The following ITGB3 variants were observed in gnomAD, a reference collection of about 807,000 sequenced individuals.
The protein encoded by ITGB3 is integrin subunit beta 3, also known as integrin beta-3.
ITGB3 carries 48 observed loss-of-function variants against 85.8 expected under a neutral mutation model. The observed-to-expected ratio is 0.56, with a 90% CI of 0.44 to 0.71. The LOEUF is 0.71. ITGB3 is among the 30% of genes least tolerant of loss of function. The pLI, the probability that ITGB3 is intolerant of heterozygous loss-of-function variation, is 0.00. For synonymous variants in ITGB3, 363 were observed against 395.6 expected (o/e 0.92, Z 0.98); for missense variants, 861 against 1,019.1 (o/e 0.84, Z 2.11).
At chr17:47,284,230 A>C (rs1341243194) in intron 3 of ITGB3, among the ~76,000 whole-genome samples, 2 of 152,150 alleles carry the variant, frequency 1.3e-5, no homozygotes, top group Non-Finnish European at 2.9e-5. Flanking sequence ...GGATTTAGAG[A>C]AAGTGGAAAA....
At position 47,300,338 on chromosome 17, in the gene ITGB3, C is replaced by CGT. The variant is rs79567369; in HGVS notation, c.1914-139_1914-138insTG. On this transcript the variant is annotated intron_variant, in intron 11 of 14. Transcript: ENST00000559488. Reference sequence around the variant, plus strand: ...GGTCCCCAGGATTGTCTTACAGGCGCGCGCGCGCGTGTGTGTGTGTGTGTG... The same window carrying CGT: ...GGTCCCCAGGATTGTCTTACAGGCGCGTGCGCGCGCGTGTGTGTGTGTGTGTG... The CGT allele has an allele frequency of 0.53, 354,582 of 664,154 alleles. 92,188 individuals are homozygous for CGT. The highest frequency in any genetic ancestry group is 0.56 in the Non-Finnish European group (203,895 of 366,896). 41.1% of individuals were successfully genotyped at this position (664,154 alleles called of 1,614,324 possible). A position where few individuals can be genotyped will look rare whatever the true frequency, so the allele number is the denominator to read the frequency against.
chr17:47,262,604 T>C (rs1288216385), intron 1 of ITGB3, among the ~76,000 whole-genome samples: 1 of 152,118 alleles, frequency 6.6e-6, no homozygotes, highest in Non-Finnish European at 1.5e-5. Context: ...CTGTTTGTTT[T>C]ACAAAAAAGC....
Position 47,310,179 on chromosome 17 carries a change from C to T in ITGB3, c.2342C>T (p.Thr781Ile), listed in dbSNP as rs748530525. The T allele has an allele frequency of 6.2e-7, 1 of 1,614,076 alleles. No individual in the cohort carries two copies. The change falls in exon 15 of 15, where the codon ACC (threonine) becomes ATC (isoleucine). Residue 781 changes from threonine to isoleucine, a missense_variant. Transcript: ENST00000559488. Reference protein sequence around the residue: ...PLYKEATSTFTNITYRGT With the variant: ...PLYKEATSTFINITYRGT The stretch of plus-strand genomic sequence containing the variant: ...TATAAAGAGGCCACGTCTACCTTCA[C>T]CAATATCACGTACCGGGGCACTTAA...
At chr17:47,309,075 T>C (rs1321952806) in intron 14 of ITGB3, among the ~76,000 whole-genome samples, 1 of 149,800 alleles carries the variant, frequency 6.7e-6, no homozygotes, top group Non-Finnish European at 1.5e-5. Flanking sequence ...TGAGACAGGG[T>C]CTCGCTCTGT....
At chr17:47,264,696 CT>C (rs1243219138) in intron 1 of ITGB3, among the ~76,000 whole-genome samples, 1 of 152,174 alleles carries the variant, frequency 6.6e-6, no homozygotes, top group Non-Finnish European at 1.5e-5. Context: ...CCTGCTATTT[CT>C]TTAACAGGCT....
chr17:47,311,539 T>C lies in ITGB3; in HGVS notation c.*1335T>C, dbSNP rs2065214688. On this transcript the variant is annotated 3_prime_UTR_variant, in exon 15 of 15. Transcript: ENST00000559488. Reference sequence around the variant, plus strand: ...TATGTGATGGCAAAGAAGGAGAGCATAGGAAACCACACAGACTTGGGCAGG... The same window carrying C: ...TATGTGATGGCAAAGAAGGAGAGCACAGGAAACCACACAGACTTGGGCAGG... The C allele has an allele frequency of 6.6e-6, 1 of 152,226 alleles. No homozygotes were observed. The highest frequency in any genetic ancestry group is 1.9e-4 in the East Asian group (1 of 5,204). 9.4% of individuals were successfully genotyped at this position (152,226 alleles called of 1,614,324 possible). A position where few individuals can be genotyped will look rare whatever the true frequency, so the allele number is the denominator to read the frequency against.
At chr17:47,298,492 A>G (rs1301819150) in intron 10 of ITGB3, among the ~76,000 whole-genome samples, 2 of 152,062 alleles carry the variant, frequency 1.3e-5, no homozygotes, top group African/African-American at 2.4e-5. Flanking sequence ...CCATACATTC[A>G]GGGTGCTCTG....
chr17:47,264,269 A>C (rs2065018399), intron 1 of ITGB3, among the ~76,000 whole-genome samples: 1 of 152,146 alleles, frequency 6.6e-6, no homozygotes, highest in Non-Finnish European at 1.5e-5. Context: ...ATTTAGGCCC[A>C]CTTAGCCACT....
chr17:47,306,008 T>A (rs1000386283), intron 13 of ITGB3, among the ~76,000 whole-genome samples: 1 of 152,218 alleles, frequency 6.6e-6, no homozygotes, highest in Non-Finnish European at 1.5e-5. Flanking sequence ...GAAACAGACA[T>A]TCAGAAAGGT....
In ITGB3 at chr17:47,307,624, C is replaced by G; in HGVS notation, c.2288C>G (p.Ala763Gly). The G allele has an allele frequency of 6.2e-7, 1 of 1,614,148 alleles. No individual in the cohort carries two copies. The highest frequency in any genetic ancestry group is 8.5e-7 in the Non-Finnish European group (1 of 1,180,008). The change falls in exon 14 of 15, where the codon GCA becomes GGA. Residue 763 changes from alanine (A) to glycine (G), a missense_variant. Coordinates refer to ENST00000559488, the MANE Select transcript of ITGB3 (RefSeq NM_000212.3). ...FAKFEEERAR[A>G]KWDTANNPLY... ...AAATTTGAGGAAGAACGCGCCAGAG[C>G]AAAATGGGACACAGTAAGAGACGGG... is the stretch of plus-strand genomic sequence containing the variant.
intron 13 of ITGB3, among the ~76,000 whole-genome samples, chr17:47,306,736 A>G (rs2065189501): frequency 2.6e-5 from 4 of 152,098 alleles, no homozygotes; most frequent in Admixed American, 2.6e-4. Context: ...GCTGGAGTGT[A>G]ATGGTGTGAT....
Position 47,299,449 on chromosome 17 carries a change from G to A in ITGB3, c.1832G>A (p.Ser611Asn). The change falls in exon 11 of 15, where the codon AGC becomes AAC. Residue 611 changes from serine (S) to asparagine (N), a missense_variant. Physicochemically the swap from Ser to Asn is conservative, Grantham distance 46 (BLOSUM62 1). Transcript: ENST00000559488. This position sits in a 1 kb window ranked among gnomAD's most constrained non-coding sequence, Gnocchi z 5.1. ...CSGRGKCECGSCVCIQPGSYG... is the reference protein window; with the variant it reads ...CSGRGKCECGNCVCIQPGSYG... ...GGCCGCGGCAAGTGTGAATGTGGCA[G>A]CTGTGTCTGTATCCAGCCGGGCTCC... The A allele has an allele frequency of 6.2e-7, 1 of 1,614,280 alleles. No individual in the cohort carries two copies. The highest frequency in any genetic ancestry group is 8.5e-7 in the Non-Finnish European group (1 of 1,180,058).
chr17:47,295,004 G>A (rs988146626), intron 10 of ITGB3, among the ~76,000 whole-genome samples: 13 of 152,316 alleles, frequency 8.5e-5, no homozygotes, highest in African/African-American at 3.1e-4. Flanking sequence ...ATCAAGAAGT[G>A]CATCATCCTC....
chr17:47,303,567 G>C (rs776030122), intron 13 of ITGB3: 1 of 152,568 alleles, frequency 6.6e-6, no homozygotes, highest in African/African-American at 2.4e-5. Context: ...TCAGAGGAAG[G>C]CCTGATGGTT....
chr17:47,259,191 G>A (rs568982747), intron 1 of ITGB3, among the ~76,000 whole-genome samples: 63 of 152,306 alleles, frequency 4.1e-4, no homozygotes, highest in Non-Finnish European at 7.3e-4. Flanking sequence ...GCTCATAGGA[G>A]TAACAGATAT....
At chr17:47,289,801 G>C (rs770724365) in intron 7 of ITGB3, 25 bp downstream of exon 7, 2 of 1,560,210 alleles carry the variant, frequency 1.3e-6, no homozygotes, top group Non-Finnish European at 1.8e-6. Context: ...GGGCTTCCTG[G>C]AGTGGGCCCT....
At chr17:47,298,747 C>T (rs1055490712) in intron 10 of ITGB3, among the ~76,000 whole-genome samples, 14 of 152,174 alleles carry the variant, frequency 9.2e-5, no homozygotes, top group Non-Finnish European at 1.8e-4. Context: ...GCCACGATGA[C>T]GACAATGGTA....
intron 1 of ITGB3, among the ~76,000 whole-genome samples, chr17:47,265,843 A>C (rs1396056998): frequency 6.6e-6 from 1 of 152,332 alleles, no homozygotes; most frequent in Non-Finnish European, 1.5e-5. Context: ...CTATATTCAT[A>C]GTGTTAGATT....
At chr17:47,258,276 G>T (rs2064997201) in intron 1 of ITGB3, among the ~76,000 whole-genome samples, 1 of 152,122 alleles carries the variant, frequency 6.6e-6, no homozygotes, top group South Asian at 2.1e-4. Flanking sequence ...CAGGCCACTA[G>T]TGGAAATGAA....
Sources: allele counts gnomAD v4.1 joint callset (sites outside exome capture counted in the v4.1 genomes callset), GRCh38; gene constraint gnomAD v4.1.1; non-coding constraint Gnocchi (gnomAD v3.1); transcripts MANE v1.5; gene names NCBI Gene and HGNC (gene_info 2026-07-23, HGNC 2026-07-21).